The following AKAP11 variants were observed in gnomAD, a reference collection of about 807,000 sequenced individuals.
AKAP11 encodes A-kinase anchoring protein 11.
A neutral mutation model predicts 146.1 loss-of-function variants in AKAP11; 36 were observed. The observed-to-expected ratio is 0.25, with a 90% CI of 0.19 to 0.33. The LOEUF (loss-of-function observed/expected upper bound fraction) is 0.33. Among genes scored for constraint, AKAP11 ranks in the 10% least tolerant of loss-of-function variants. The pLI, the probability that AKAP11 is intolerant of heterozygous loss-of-function variation, is 1.00. For synonymous variants in AKAP11, 780 were observed against 786.5 expected (o/e 0.99, Z 0.14); for missense variants, 2,201 against 2,197.0 (o/e 1.00, Z -0.04).
At chr13:42,308,380 A>G (rs1594351282) in intron 8 of AKAP11, 74 bp from the exon 9 acceptor site, 2 of 1,260,112 alleles carry the variant, frequency 1.6e-6, no homozygotes, top group East Asian at 2.4e-5. Flanking sequence ...CTTTGTCATC[A>G]AATTGATAGT....
intron 9 of AKAP11, 71 bp from the exon 10 acceptor site, chr13:42,312,976 T>G: frequency 2.3e-6 from 3 of 1,305,140 alleles, no homozygotes; most frequent in Non-Finnish European, 3.3e-6. Context: ...ACAGAAGCTG[T>G]TCCGAGGAAA....
chr13:42,281,679 A>G (rs1022737879), intron 1 of AKAP11, among the ~76,000 whole-genome samples: 1 of 152,138 alleles, frequency 6.6e-6, no homozygotes, highest in Non-Finnish European at 1.5e-5. Flanking sequence ...GATGAAACCA[A>G]TGTCTGTACT....
rs1959807660 is a variant in AKAP11 at position 42,300,527 on chromosome 13, T to C, written c.1781T>C (p.Met594Thr). ...AIKLTSSVLQ[M>T]AFDELRRQRA... is the part of the protein sequence containing the mutation. ...AAATTGACATCATCTGTTTTGCAGATGGCATTTGATGAGCTGAGAAGGCAG... is the reference window on the plus strand; with the variant it reads ...AAATTGACATCATCTGTTTTGCAGACGGCATTTGATGAGCTGAGAAGGCAG... Residue 594 changes from methionine to threonine, a missense_variant, in exon 8 of 13, where the codon ATG (methionine) becomes ACG (threonine). Transcript: ENST00000025301. The C allele has an allele frequency of 6.2e-7, 1 of 1,614,000 alleles. No individual in the cohort carries two copies. Among genetic ancestry groups the C allele is most frequent in the African/African-American group, 1.3e-5 (1 of 74,940 alleles).
chr13:42,315,577 AGAAGAT>A (rs1960781150), intron 11 of AKAP11, among the ~76,000 whole-genome samples: 1 of 152,224 alleles, frequency 6.6e-6, no homozygotes, highest in Non-Finnish European at 1.5e-5. Flanking sequence ...TTAAGAAAAA[AGAAGAT>A]ACAAGTTAAT....
At position 42,272,244 on chromosome 13, in the gene AKAP11, A is replaced by G. The variant is rs1958787357; in HGVS notation, c.-100+16A>G. On this transcript the variant is annotated intron_variant, in intron 1 of 12. Transcript: ENST00000025301. ...CGGCCCCCAGGTGAGCCGGGCGCCG[A>G]CGTGCTCGCCGCGGAGGCTGCGTTT... 6.6e-6 allele frequency: 1 copy of G among 152,250 alleles called. No homozygotes were observed. The highest frequency in any genetic ancestry group is 2.0e-4 in the South Asian group (1 of 4,980). The allele number at this position is 152,250 out of a possible 1,614,324, so 9.4% of individuals were successfully genotyped here.
chr13:42,319,055 T>C, intron 12 of AKAP11, 33 bp from the exon 13 acceptor site: 2 of 1,593,492 alleles, frequency 1.3e-6, no homozygotes, highest in Non-Finnish European at 1.7e-6. Context: ...AAAATTGTTT[T>C]TGGTTAATGT....
chr13:42,309,823 A>C (rs1594353673), intron 9 of AKAP11, among the ~76,000 whole-genome samples: 2 of 152,196 alleles, frequency 1.3e-5, no homozygotes, highest in South Asian at 4.1e-4. Context: ...TGGGGTTGAC[A>C]GTGTTGCCTA....
chr13:42,285,330 C>T (rs1959147801), intron 1 of AKAP11, among the ~76,000 whole-genome samples: 2 of 152,180 alleles, frequency 1.3e-5, no homozygotes, highest in Admixed American at 1.3e-4. Flanking sequence ...AGGCATGCAC[C>T]ACTGTGCCTG....
Position 42,299,650 on chromosome 13 carries a change from T to G in AKAP11, c.904T>G (p.Ser302Ala). 1 of 1,613,918 alleles carries G rather than the reference T, an allele frequency of 6.2e-7. No individual in the cohort carries two copies. The highest frequency in any genetic ancestry group is 8.5e-7 in the Non-Finnish European group (1 of 1,179,880). ...SDLQKTFFSS[S>A]PAYSSESECS... ...TTTACAGAAAACATTTTTTTCGTCT[T>G]CTCCTGCCTACTCATCTGAATCAGA... Residue 302 changes from serine (S) to alanine (A), a missense_variant, in exon 8 of 13, where the codon TCT becomes GCT. Ser to Ala is a moderately conservative substitution (Grantham distance 99). This residue lies in a region of AKAP11 where 331 missense variants were observed against 347.4 expected (regional missense o/e 0.95). Coordinates refer to ENST00000025301, the MANE Select transcript of AKAP11 (RefSeq NM_016248.4).
chr13:42,319,404 T>C lies in AKAP11; in HGVS notation c.*176T>C, dbSNP rs1034120387. ...CACTCGGTGTATATAGTTCATACTT[T>C]TGTAATCTGTCAAAATACTACCTTC... On this transcript the variant is annotated 3_prime_UTR_variant, in exon 13 of 13. Transcript: ENST00000025301. 46 of 762,064 alleles carry C rather than the reference T, an allele frequency of 6.0e-5. No individual in the cohort carries two copies. Among genetic ancestry groups the C allele is most frequent in the Non-Finnish European group, 8.7e-5 (43 of 495,570 alleles). 47.2% of individuals were successfully genotyped at this position (762,064 alleles called of 1,614,324 possible).
rs867201721 is a variant in AKAP11, at chr13:42,301,184, A to G, written c.2438A>G (p.Asn813Ser). The G allele has an allele frequency of 2.5e-6, 4 of 1,613,968 alleles. No homozygotes were observed. In the African/African-American group the frequency reaches 4.0e-5, roughly 16 times the overall value. ...CTGTCATCTGATGATAGTAATTCAAATGGTGATTCTGCCCAAGTGCATATT... is the reference window on the plus strand; with the variant it reads ...CTGTCATCTGATGATAGTAATTCAAGTGGTGATTCTGCCCAAGTGCATATT... ...AHLSSDDSNS[N>S]GDSAQVHIAT... The change falls in exon 8 of 13, where the codon AAT becomes AGT. Residue 813 changes from asparagine to serine, a missense_variant. Transcript: ENST00000025301.
intron 1 of AKAP11, among the ~76,000 whole-genome samples, chr13:42,272,488 G>A (rs1958796719): frequency 6.6e-6 from 1 of 152,192 alleles, no homozygotes; most frequent in African/African-American, 2.4e-5. Flanking sequence ...CTCGAGACGC[G>A]TCTTCCTGGG....
chr13:42,312,084 T>G (rs566188489), intron 9 of AKAP11, among the ~76,000 whole-genome samples: 2 of 152,272 alleles, frequency 1.3e-5, no homozygotes, highest in East Asian at 3.9e-4. Flanking sequence ...GAACCAAAAT[T>G]TTGGTTTGTA....
chr13:42,274,185 A>G (rs1017880920), intron 1 of AKAP11, among the ~76,000 whole-genome samples: 1 of 152,120 alleles, frequency 6.6e-6, no homozygotes, highest in Non-Finnish European at 1.5e-5. Context: ...TGTGGTCTGC[A>G]TTTTATTAAT....
At chr13:42,291,472 C>T (rs891923905) in intron 3 of AKAP11, among the ~76,000 whole-genome samples, 2 of 152,136 alleles carry the variant, frequency 1.3e-5, no homozygotes, top group Non-Finnish European at 1.5e-5. Flanking sequence ...AGGCTGGTCT[C>T]GAACTCCTTA....
chr13:42,302,492 C>T lies in AKAP11; in HGVS notation c.3746C>T (p.Ser1249Leu), dbSNP rs748153921. Residue 1249 changes from serine to leucine, a missense_variant, in exon 8 of 13, where the codon TCA (serine) becomes TTA (leucine). Ser to Leu is a moderately radical substitution (Grantham distance 145). Transcript: ENST00000025301. ...RSVSPTFLNP[S>L]DENLKTLCNF... ...GTGTCGCCTACTTTTTTAAACCCCT[C>T]AGACGAAAATTTGAAAACATTATGC... 49 of 1,614,042 alleles carry T rather than the reference C, an allele frequency of 3.0e-5. No homozygotes were observed. The highest frequency in any genetic ancestry group is 3.9e-5 in the Non-Finnish European group (46 of 1,180,020).
At chr13:42,309,310 C>T (rs1421511105) in intron 9 of AKAP11, among the ~76,000 whole-genome samples, 2 of 152,188 alleles carry the variant, frequency 1.3e-5, no homozygotes, top group African/African-American at 4.8e-5. Context: ...TCTTTATCCA[C>T]ATTAAGTGAT....
Position 42,302,437 on chromosome 13 carries a change from C to G in AKAP11, c.3691C>G (p.Pro1231Ala). ...KIIQEPKVKN[P>A]CLNVQSQRSV... ...AATTCAAGAACCCAAGGTTAAAAAC[C>G]CTTGCTTAAATGTGCAAAGTCAAAG... Residue 1231 changes from proline to alanine, a missense_variant, in exon 8 of 13, where the codon CCT becomes GCT. Around this residue, in one of 3 missense-constraint regions of AKAP11, gnomAD observed 1,867 missense variants for 1,833.5 expected, o/e 1.02. Transcript: ENST00000025301. 1 of 1,614,100 alleles carries G rather than the reference C, an allele frequency of 6.2e-7. No homozygotes were observed. Among genetic ancestry groups the G allele is most frequent in the East Asian group, 2.2e-5 (1 of 44,874 alleles).
chr13:42,290,622 CT>C (rs1959198597), intron 3 of AKAP11, among the ~76,000 whole-genome samples: 1 of 152,196 alleles, frequency 6.6e-6, no homozygotes, highest in Admixed American at 6.5e-5. Flanking sequence ...AGGAGCTCCT[CT>C]GACTTTGTCT....
Sources: gnomAD v4.1 joint callset for allele counts (sites outside exome capture counted in the v4.1 genomes callset) on GRCh38, gnomAD v4.1.1 for gene constraint, gnomAD v4.1.1 regional missense constraint, MANE v1.5 for transcripts, NCBI Gene and HGNC (gene_info 2026-07-23, HGNC 2026-07-21) for gene names.